The following CACUL1 variants were observed in gnomAD, a reference collection of about 807,000 sequenced individuals.
The protein encoded by CACUL1 is CDK2-associated and cullin domain-containing protein 1.
In CACUL1, 13 loss-of-function variants were observed where a neutral mutation model predicts 45.2. That is an observed-to-expected ratio of 0.29 (90% confidence interval 0.19 to 0.46). The LOEUF (loss-of-function observed/expected upper bound fraction) is 0.46. Among genes scored for constraint, CACUL1 ranks in the 20% least tolerant of loss-of-function variants. The pLI is 1.00. For synonymous variants in CACUL1, 197 were observed against 174.2 expected (o/e 1.13, Z -1.03); for missense variants, 421 against 471.4 (o/e 0.89, Z 0.99).
intron 3 of CACUL1, among the ~76,000 whole-genome samples, chr10:118,709,203 T>G (rs1314721181): frequency 6.6e-6 from 1 of 152,206 alleles, no homozygotes. Context: ...TTTTCATCCT[T>G]ATCTCCAACA....
At chr10:118,724,979 G>A (rs1845638824) in intron 3 of CACUL1, among the ~76,000 whole-genome samples, 1 of 151,986 alleles carries the variant, frequency 6.6e-6, no homozygotes, top group Non-Finnish European at 1.5e-5. Flanking sequence ...CAAAAAATAT[G>A]GTAATTTCTA....
At chr10:118,745,747 T>C (rs1845837552) in intron 1 of CACUL1, among the ~76,000 whole-genome samples, 1 of 152,052 alleles carries the variant, frequency 6.6e-6, no homozygotes, top group Non-Finnish European at 1.5e-5. Context: ...CTACAAGAAA[T>C]GTACTTTACA....
intron 1 of CACUL1, among the ~76,000 whole-genome samples, chr10:118,739,135 G>A (rs573716524): frequency 1.2e-3 from 188 of 151,668 alleles, no homozygotes; most frequent in African/African-American, 4.1e-3. Flanking sequence ...GGTGGAGCTT[G>A]CAGTGAGCCG....
At chr10:118,720,451 C>A (rs537200817) in intron 3 of CACUL1, among the ~76,000 whole-genome samples, 1 of 152,000 alleles carries the variant, frequency 6.6e-6, no homozygotes, top group African/African-American at 2.4e-5. Flanking sequence ...TTTTCCTTTT[C>A]TTTTCTAACT....
rs144394129 is a variant in CACUL1 at position 118,739,497 on chromosome 10, C to A, written c.368-9087G>T. On this transcript the variant is annotated intron_variant, in intron 1 of 8. Coordinates refer to ENST00000369151, the MANE Select transcript of CACUL1 (RefSeq NM_153810.5). ...TTAATGAAGCAATACTTTTAAAATG[C>A]CAAGGAAAAGTTATTTTCCGTTAAG... 3.3e-5 allele frequency among the ~76,000 whole-genome samples: 5 copies of A among 152,244 alleles called. No homozygotes were observed. In the South Asian group the frequency reaches 1.0e-3, roughly 32 times the overall value.
rs1845098495 is a variant in CACUL1, at chr10:118,676,419, GA to G, written c.*9708del. On this transcript the variant is annotated 3_prime_UTR_variant, in exon 9 of 9. Coordinates refer to ENST00000369151, the MANE Select transcript of CACUL1 (RefSeq NM_153810.5). Reference sequence around the variant, plus strand: ...CAGCAAAAACAAGTTACTGACATTGGAAAAGATGAAAATTTATTATAAAAAT... The same window carrying G: ...CAGCAAAAACAAGTTACTGACATTGGAAAGATGAAAATTTATTATAAAAAT... 1 of 152,118 alleles carries G rather than the reference GA, an allele frequency of 6.6e-6. No homozygotes were observed. Among genetic ancestry groups the G allele is most frequent in the South Asian group, 2.1e-4 (1 of 4,824 alleles). 9.4% of individuals were successfully genotyped at this position (152,118 alleles called of 1,614,324 possible). A position where few individuals can be genotyped will look rare whatever the true frequency, so the allele number is the denominator to read the frequency against.
At chr10:118,730,201 T>G in intron 2 of CACUL1, 83 bp downstream of exon 2, 1 of 1,381,696 alleles carries the variant, frequency 7.2e-7, no homozygotes, top group Non-Finnish European at 1.0e-6. Context: ...CATTCTACAT[T>G]ACATGTTTGT....
chr10:118,752,772 A>AGTTT (rs1845910035), intron 1 of CACUL1, among the ~76,000 whole-genome samples: 1 of 152,208 alleles, frequency 6.6e-6, no homozygotes, highest in Admixed American at 6.5e-5. Context: ...TTACCATTTC[A>AGTTT]GTTTATTAGT....
Position 118,754,924 on chromosome 10 carries a change from G to T in CACUL1, c.-162C>A, listed in dbSNP as rs1207815309. On this transcript the variant is annotated 5_prime_UTR_variant, in exon 1 of 9. Transcript: ENST00000369151. ...AGGGTCTCTCGCTCTCCGCGGGGCC[G>T]ACTAGCTTGAAGACGCGGCTGACGG... 2.0e-6 allele frequency: 2 copies of T among 996,248 alleles called. No homozygotes were observed. The highest frequency in any genetic ancestry group is 6.2e-5 in the East Asian group (2 of 32,048). 61.7% of individuals were successfully genotyped at this position (996,248 alleles called of 1,614,324 possible).
chr10:118,691,774 G>A (rs1212039035), intron 6 of CACUL1, among the ~76,000 whole-genome samples: 1 of 149,742 alleles, frequency 6.7e-6, no homozygotes, highest in Non-Finnish European at 1.5e-5. Flanking sequence ...GGCTGAGGCA[G>A]GAGAATGGCG....
At chr10:118,720,370 G>T (rs941459846) in intron 3 of CACUL1, among the ~76,000 whole-genome samples, 1 of 152,154 alleles carries the variant, frequency 6.6e-6, no homozygotes, top group Admixed American at 6.5e-5. Context: ...TTATCTCTAT[G>T]TAACACTTAG....
At chr10:118,747,074 T>C (rs966074095) in intron 1 of CACUL1, among the ~76,000 whole-genome samples, 1 of 152,054 alleles carries the variant, frequency 6.6e-6, no homozygotes, top group Non-Finnish European at 1.5e-5. Flanking sequence ...GGGATCTAGG[T>C]TGCGCACTCC....
At chr10:118,700,673 C>A (rs1230774943) in intron 5 of CACUL1, among the ~76,000 whole-genome samples, 1 of 145,936 alleles carries the variant, frequency 6.9e-6, no homozygotes, top group African/African-American at 2.6e-5. Context: ...GCCGAGATCA[C>A]ACCACTGCAC....
At chr10:118,715,145 A>G (rs937075709) in intron 3 of CACUL1, among the ~76,000 whole-genome samples, 1 of 152,252 alleles carries the variant, frequency 6.6e-6, no homozygotes, top group Non-Finnish European at 1.5e-5. Flanking sequence ...ATGCATAATT[A>G]TATTAAAAAT....
In CACUL1 at chr10:118,754,772, C is replaced by T. The variant is rs773119461; in HGVS notation, c.-10G>A. The T allele has an allele frequency of 1.4e-5, 22 of 1,544,290 alleles. No individual in the cohort carries two copies. The highest frequency in any genetic ancestry group is 2.1e-5 in the Admixed American group (1 of 47,962). ...CCATGCTTTCCTCCATCCTGCTGGC[C>T]CCCGGCACCCGCCCGCCTCACAGGC... On this transcript the variant is annotated 5_prime_UTR_variant, in exon 1 of 9. Coordinates refer to ENST00000369151, the MANE Select transcript of CACUL1 (RefSeq NM_153810.5).
intron 6 of CACUL1, among the ~76,000 whole-genome samples, chr10:118,694,508 T>C (rs1254445147): frequency 1.3e-5 from 2 of 152,132 alleles, no homozygotes; most frequent in South Asian, 4.1e-4. Flanking sequence ...CTCTCTCCCA[T>C]GGACATTTAT....
rs1012518112 is a variant in CACUL1 at position 118,678,808 on chromosome 10, T to C, written c.*7320A>G. On this transcript the variant is annotated 3_prime_UTR_variant, in exon 9 of 9. Coordinates refer to ENST00000369151, the MANE Select transcript of CACUL1 (RefSeq NM_153810.5). Reference sequence around the variant, plus strand: ...GGTTTGCAAAAACTTATTTTCCTACTGAAGGGTACAATGTGTTTTATGTAT... The same window carrying C: ...GGTTTGCAAAAACTTATTTTCCTACCGAAGGGTACAATGTGTTTTATGTAT... The C allele has an allele frequency of 2.0e-5, 3 of 152,228 alleles. No individual in the cohort carries two copies. The highest frequency in any genetic ancestry group is 6.5e-5 in the Admixed American group (1 of 15,284). The allele number at this position is 152,228 out of a possible 1,614,324, so 9.4% of individuals were successfully genotyped here.
At chr10:118,741,882 T>G (rs1845796661) in intron 1 of CACUL1, among the ~76,000 whole-genome samples, 1 of 152,206 alleles carries the variant, frequency 6.6e-6, no homozygotes, top group Non-Finnish European at 1.5e-5. Context: ...TCCTACTCTG[T>G]ATTCCAAAAA....
chr10:118,751,160 T>C (rs1469501214), intron 1 of CACUL1, among the ~76,000 whole-genome samples: 1 of 152,224 alleles, frequency 6.6e-6, no homozygotes, highest in Non-Finnish European at 1.5e-5. Context: ...AAGTAGTCCC[T>C]TGTCTAGTCA....
Sources: allele counts gnomAD v4.1 joint callset (sites outside exome capture counted in the v4.1 genomes callset), GRCh38; gene constraint gnomAD v4.1.1; transcripts MANE v1.5; gene names NCBI Gene and HGNC (gene_info 2026-07-23, HGNC 2026-07-21).